TMEM192: variants seen among roughly 807,000 people sequenced by gnomAD.
TMEM192 encodes transmembrane protein 192.
TMEM192 carries 20 observed loss-of-function variants against 26.7 expected under a neutral mutation model. The observed-to-expected ratio is 0.75, with a 90% CI of 0.53 to 1.09. The LOEUF (loss-of-function observed/expected upper bound fraction) is 1.09, where lower values mean the gene tolerates loss of function less well. TMEM192 is among the 50% of genes least tolerant of loss of function. The pLI is 0.00. For missense variants in TMEM192, 304 were observed against 322.6 expected (o/e 0.94, Z 0.44); for synonymous variants, 124 against 121.0 (o/e 1.02, Z -0.16).
chr4:165,085,273 CAA>C (rs398051329), intron 5 of TMEM192, among the ~76,000 whole-genome samples: 1,131 of 83,678 alleles, frequency 0.014, 16 homozygotes, highest in African/African-American at 0.043. Context: ...AACTCCATCT[CAA>C]AAAAAAAAAA....
intron 5 of TMEM192, among the ~76,000 whole-genome samples, chr4:165,085,214 G>A (rs868155539): frequency 4.7e-5 from 7 of 150,032 alleles, no homozygotes; most frequent in African/African-American, 1.2e-4. Context: ...TGGAGACTAC[G>A]GTGAGCCAAG....
intron 1 of TMEM192, among the ~76,000 whole-genome samples, chr4:165,108,631 T>C (rs1050926997): frequency 1.3e-5 from 2 of 152,172 alleles, no homozygotes; most frequent in African/African-American, 4.8e-5. Context: ...GCAGTATTCT[T>C]GGCCCTGTAT....
chr4:165,112,042 G>A (rs1273785032), intron 1 of TMEM192, among the ~76,000 whole-genome samples: 2 of 152,264 alleles, frequency 1.3e-5, no homozygotes, highest in Admixed American at 1.3e-4. Flanking sequence ...CTACCATTCT[G>A]TACTATACAC....
chr4:165,107,901 T>C (rs1446929789), intron 1 of TMEM192, among the ~76,000 whole-genome samples: 2 of 152,190 alleles, frequency 1.3e-5, no homozygotes, highest in African/African-American at 2.4e-5. Flanking sequence ...GTATCTTCCA[T>C]GTCTCTATGT....
At position 165,073,507 on chromosome 4, in the gene TMEM192, G is replaced by T. The variant is rs879535278; in HGVS notation, c.*6151C>A. 1 of 152,196 alleles carries T rather than the reference G, an allele frequency of 6.6e-6. No individual in the cohort carries two copies. The highest frequency in any genetic ancestry group is 1.5e-5 in the Non-Finnish European group (1 of 68,082). 9.4% of individuals were successfully genotyped at this position (152,196 alleles called of 1,614,324 possible). ...CTGAGACAGCCTGAGATACGGCCTC[G>T]TGGGAAAGGAAAGGCCTTACCATCC... On this transcript the variant is annotated 3_prime_UTR_variant, in exon 6 of 6. Transcript: ENST00000306480.
intron 3 of TMEM192, among the ~76,000 whole-genome samples, chr4:165,094,102 T>C (rs1258534616): frequency 6.6e-6 from 1 of 151,706 alleles, no homozygotes; most frequent in Non-Finnish European, 1.5e-5. Flanking sequence ...GGTTTCACCA[T>C]GTTGGCCAGG....
chr4:165,080,906 G>C (rs952266503), intron 5 of TMEM192, among the ~76,000 whole-genome samples: 1 of 151,948 alleles, frequency 6.6e-6, no homozygotes. Flanking sequence ...GTAGAGACAG[G>C]GTTTTACCAT....
chr4:165,091,689 C>G (rs1336415546), intron 3 of TMEM192, among the ~76,000 whole-genome samples: 1 of 152,064 alleles, frequency 6.6e-6, no homozygotes, highest in African/African-American at 2.4e-5. Flanking sequence ...GAAAAAAAAT[C>G]TACACATCTA....
intron 3 of TMEM192, among the ~76,000 whole-genome samples, chr4:165,092,402 G>A (rs964364286): frequency 2.6e-5 from 4 of 152,074 alleles, no homozygotes; most frequent in Non-Finnish European, 5.9e-5. Context: ...GATTACAGGC[G>A]TAAGCCACCG....
chr4:165,102,717 A>C (rs530883344), intron 2 of TMEM192, among the ~76,000 whole-genome samples: 1 of 152,074 alleles, frequency 6.6e-6, no homozygotes, highest in South Asian at 2.1e-4. Context: ...ATTATCAACA[A>C]TATCTTTACA....
intron 5 of TMEM192, among the ~76,000 whole-genome samples, chr4:165,085,273 C>CA (rs398051329): frequency 6.5e-4 from 54 of 83,628 alleles, no homozygotes; most frequent in African/African-American, 1.8e-3. Flanking sequence ...AACTCCATCT[C>CA]AAAAAAAAAA....
Position 165,079,581 on chromosome 4 carries a change from G to T in TMEM192, c.*77C>A, listed in dbSNP as rs1472152358. 1 of 1,470,770 alleles carries T rather than the reference G, an allele frequency of 6.8e-7. No homozygotes were observed. The highest frequency in any genetic ancestry group is 9.1e-7 in the Non-Finnish European group (1 of 1,094,888). 91.1% of individuals were successfully genotyped at this position (1,470,770 alleles called of 1,614,324 possible). A position where few individuals can be genotyped will look rare whatever the true frequency, so the allele number is the denominator to read the frequency against. On this transcript the variant is annotated 3_prime_UTR_variant, in exon 6 of 6. Coordinates refer to ENST00000306480, the MANE Select transcript of TMEM192 (RefSeq NM_001100389.2). Reference sequence around the variant, plus strand: ...TATTCAGCAAAAGCTGCAGTTCCCCGTGGCAGCTTGTCAGGTGGTCAGTCA... The same window carrying T: ...TATTCAGCAAAAGCTGCAGTTCCCCTTGGCAGCTTGTCAGGTGGTCAGTCA...
intron 5 of TMEM192, among the ~76,000 whole-genome samples, 162 bp downstream of exon 5, chr4:165,085,424 A>G (rs942677559): frequency 3.9e-5 from 6 of 152,198 alleles, no homozygotes; most frequent in Non-Finnish European, 8.8e-5. Context: ...TAATACATTT[A>G]CACATCCTGA....
intron 3 of TMEM192, among the ~76,000 whole-genome samples, chr4:165,089,955 T>C (rs1257110417): frequency 6.6e-6 from 1 of 152,014 alleles, no homozygotes; most frequent in African/African-American, 2.4e-5. Context: ...CTCACGCCTG[T>C]AATCCCAACA....
intron 1 of TMEM192, among the ~76,000 whole-genome samples, chr4:165,108,356 C>T (rs1195049826): frequency 1.3e-5 from 2 of 151,996 alleles, no homozygotes; most frequent in Admixed American, 6.6e-5. Flanking sequence ...CTCCTGACCT[C>T]GTGATCCGCT....
At chr4:165,084,546 C>T (rs1298289146) in intron 5 of TMEM192, among the ~76,000 whole-genome samples, 1 of 151,892 alleles carries the variant, frequency 6.6e-6, no homozygotes, top group Middle Eastern at 3.2e-3. Flanking sequence ...CTGTTGCTAT[C>T]CACTTCAGAT....
chr4:165,094,050 C>T (rs1338047104), intron 3 of TMEM192, among the ~76,000 whole-genome samples: 1 of 152,158 alleles, frequency 6.6e-6, no homozygotes, highest in East Asian at 1.9e-4. Flanking sequence ...CAGGCACCTG[C>T]CACCATGCCT....
At chr4:165,104,605 A>T (rs190731625) in intron 1 of TMEM192, among the ~76,000 whole-genome samples, 2 of 152,246 alleles carry the variant, frequency 1.3e-5, no homozygotes, top group Non-Finnish European at 2.9e-5. Context: ...ATCTCGGCTC[A>T]TTGCAACTTC....
chr4:165,097,100 C>T (rs1213940993), intron 3 of TMEM192, among the ~76,000 whole-genome samples: 1 of 152,172 alleles, frequency 6.6e-6, no homozygotes, highest in Admixed American at 6.6e-5. Context: ...CAGTCAGGAT[C>T]ACCCAACTCT....
Sources: gnomAD v4.1 joint callset for allele counts (sites outside exome capture counted in the v4.1 genomes callset) on GRCh38, gnomAD v4.1.1 for gene constraint, MANE v1.5 for transcripts, NCBI Gene and HGNC (gene_info 2026-07-23, HGNC 2026-07-21) for gene names.